Variants in STT3A observed in about 807,000 individuals in gnomAD.
STT3A encodes the protein dolichyl-diphosphooligosaccharide--protein glycosyltransferase subunit STT3A.
Under a neutral mutation model 89.2 loss-of-function variants are expected in STT3A, and 34 were observed. The ratio of observed to expected loss-of-function variants is 0.38; its 90% CI spans 0.29 to 0.51. STT3A has a LOEUF of 0.51. STT3A is among the 20% of genes least tolerant of loss of function. The pLI, the probability that STT3A is intolerant of heterozygous loss-of-function variation, is 0.89. For synonymous variants in STT3A, 282 were observed against 310.3 expected (o/e 0.91, Z 0.96); for missense variants, 555 against 889.5 (o/e 0.62, Z 4.78).
chr11:125,612,623 T>C lies in STT3A; in HGVS notation c.1241T>C (p.Met414Thr), dbSNP rs778063393. 1 of 1,614,102 alleles carries C rather than the reference T, an allele frequency of 6.2e-7. No individual in the cohort carries two copies. Among genetic ancestry groups the C allele is most frequent in the African/African-American group, 1.3e-5 (1 of 74,938 alleles). Residue 414 changes from methionine (M) to threonine (T), a missense_variant, in exon 12 of 18, where the codon ATG becomes ACG. Transcript: ENST00000392708. ...CTAATGCTAGTGTTGGCACCTGTTA[T>C]GTGCATTCTCTCTGGCATTGGAGTC... The part of the protein sequence containing the change: ...VRLMLVLAPV[M>T]CILSGIGVSQ...
chr11:125,611,710 C>CAA (rs1447659015), intron 11 of STT3A, among the ~76,000 whole-genome samples, 191 bp downstream of exon 11: 1 of 151,932 alleles, frequency 6.6e-6, no homozygotes, highest in Non-Finnish European at 1.5e-5. Context: ...TTGTGGGGTC[C>CAA]AACTTTCTTG....
At chr11:125,609,763 C>T in intron 10 of STT3A, 174 bp downstream of exon 10, 1 of 622,542 alleles carries the variant, frequency 1.6e-6, no homozygotes, top group Non-Finnish European at 2.6e-6. Context: ...GTCAGAAGTT[C>T]AACAGTTGTA....
At chr11:125,598,633 G>T (rs1283198271) in intron 3 of STT3A, among the ~76,000 whole-genome samples, 1 of 152,008 alleles carries the variant, frequency 6.6e-6, no homozygotes, top group African/African-American at 2.4e-5. Flanking sequence ...TTGAGATTGG[G>T]TCTGACTGTC....
chr11:125,594,279 C>A (rs1041319695), intron 1 of STT3A, among the ~76,000 whole-genome samples: 2 of 152,138 alleles, frequency 1.3e-5, no homozygotes, highest in Non-Finnish European at 2.9e-5. Flanking sequence ...CTCTTGATCA[C>A]CTTGTAATTT....
Position 125,614,193 on chromosome 11 carries a change from G to A in STT3A, c.1661G>A (p.Arg554Gln), listed in dbSNP as rs755340334. ...NNTWNNTHIS[R>Q]VGQAMASTEE... ...ACATGGAATAATACCCATATTTCTC[G>A]AGTAGGGCAGGTAAGATAAAGGGAT... The change falls in exon 14 of 18, where the codon CGA (arginine) becomes CAA (glutamine). Residue 554 changes from arginine (R) to glutamine (Q), a missense_variant. Around this residue, in one of 5 missense-constraint regions of STT3A, gnomAD observed 273 missense variants for 449.8 expected, o/e 0.61. Coordinates refer to ENST00000392708, the MANE Select transcript of STT3A (RefSeq NM_152713.5). The surrounding 1 kb of genome is among the most constrained non-coding windows in gnomAD (Gnocchi z 4.9). 1.2e-6 allele frequency: 2 copies of A among 1,614,076 alleles called. No individual in the cohort carries two copies. The highest frequency in any genetic ancestry group is 1.7e-6 in the Non-Finnish European group (2 of 1,179,974).
chr11:125,609,708 AGAGGACG>A, intron 10 of STT3A, 119 bp downstream of exon 10: 1 of 1,308,254 alleles, frequency 7.6e-7, no homozygotes. Context: ...TGTGTAATAC[AGAGGACG>A]GCTAAGCAAA....
In STT3A at chr11:125,606,336, C is replaced by T. The variant is rs1267924235; in HGVS notation, c.651C>T (p.Asn217=). 4 of 1,613,994 alleles carry T rather than the reference C, an allele frequency of 2.5e-6. No homozygotes were observed. Among genetic ancestry groups the T allele is most frequent in the Admixed American group, 1.7e-5 (1 of 59,988 alleles). ...SSWGGYVFLI[N]LIPLHVLVLM... ...GGGGAGGTTATGTGTTCCTGATCAACTTAATTCCTCTCCACGTCCTCGTGC... is the reference window on the plus strand; with the variant it reads ...GGGGAGGTTATGTGTTCCTGATCAATTTAATTCCTCTCCACGTCCTCGTGC... Residue 217 remains asparagine, a synonymous_variant, in exon 8 of 18, where the codon AAC becomes AAT. Coordinates refer to ENST00000392708, the MANE Select transcript of STT3A (RefSeq NM_152713.5).
At chr11:125,605,100 G>T (rs1352136168) in intron 6 of STT3A, among the ~76,000 whole-genome samples, 1 of 137,178 alleles carries the variant, frequency 7.3e-6, no homozygotes, top group African/African-American at 2.7e-5. Context: ...CCCTGTTTTT[G>T]TTGTTGTTGT....
At chr11:125,597,313 A>C (rs1365402930) in intron 3 of STT3A, among the ~76,000 whole-genome samples, 194 bp downstream of exon 3, 9 of 151,706 alleles carry the variant, frequency 5.9e-5, no homozygotes, top group Admixed American at 5.9e-4. Flanking sequence ...AGTCCAGCAC[A>C]GTGGCTCACA....
In STT3A at chr11:125,596,021, CCTCT is replaced by C; in HGVS notation, c.88+21_88+24del. ...TGTATTATGTGAGTGTGCATGTGAA[CCTCT>C]CTTTCTTTGGGGATAGAAAGAAGAA... On this transcript the variant is annotated intron_variant, in intron 2 of 17. Coordinates refer to ENST00000392708, the MANE Select transcript of STT3A (RefSeq NM_152713.5). 1 of 1,567,114 alleles carries C rather than the reference CCTCT, an allele frequency of 6.4e-7. No individual in the cohort carries two copies. The highest frequency in any genetic ancestry group is 8.7e-7 in the Non-Finnish European group (1 of 1,147,226).
chr11:125,597,350 T>C (rs1447690548), intron 3 of STT3A, among the ~76,000 whole-genome samples: 1 of 149,460 alleles, frequency 6.7e-6, no homozygotes, highest in Admixed American at 6.7e-5. Flanking sequence ...TTTGGGAGGC[T>C]GAGGTGGAGG....
intron 15 of STT3A, 78 bp from the exon 16 acceptor site, chr11:125,618,295 A>G: frequency 1.5e-6 from 2 of 1,369,698 alleles, no homozygotes; most frequent in South Asian, 3.1e-5. Context: ...ATGTTGAGGA[A>G]TTTTCTTAGA....
In STT3A at chr11:125,614,331, C is replaced by T. The variant is rs756427817; in HGVS notation, c.1679C>T (p.Ala560Val). The change falls in exon 15 of 18, where the codon GCG becomes GTG. Residue 560 changes from alanine (A) to valine (V), a missense_variant. Physicochemically the swap from Ala to Val is moderately conservative, Grantham distance 64. Coordinates refer to ENST00000392708, the MANE Select transcript of STT3A (RefSeq NM_152713.5). This position sits in a 1 kb window ranked among gnomAD's most constrained non-coding sequence, Gnocchi z 4.9. ...GTACATTTGTTTTTCCAGGCAATGGCGTCCACAGAGGAAAAAGCCTATGAG... is the reference window on the plus strand; with the variant it reads ...GTACATTTGTTTTTCCAGGCAATGGTGTCCACAGAGGAAAAAGCCTATGAG... ...THISRVGQAM[A>V]STEEKAYEIM... is the part of the protein sequence containing the mutation. 5 of 1,614,078 alleles carry T rather than the reference C, an allele frequency of 3.1e-6. No individual in the cohort carries two copies. Among genetic ancestry groups the T allele is most frequent in the Non-Finnish European group, 4.2e-6 (5 of 1,180,016 alleles).
At chr11:125,608,744 GC>G (rs1171112215) in intron 9 of STT3A, among the ~76,000 whole-genome samples, 4 of 152,182 alleles carry the variant, frequency 2.6e-5, no homozygotes, top group African/African-American at 9.7e-5. Context: ...TTCATCGGAA[GC>G]ATGTACAATC....
intron 8 of STT3A, among the ~76,000 whole-genome samples, chr11:125,607,906 A>G (rs1939883966): frequency 6.6e-6 from 1 of 152,208 alleles, no homozygotes; most frequent in African/African-American, 2.4e-5. Context: ...ATGATAGTGT[A>G]TCTTATGCTT....
chr11:125,620,666 C>A, intron 17 of STT3A, 106 bp from the exon 18 acceptor site: 1 of 1,040,230 alleles, frequency 9.6e-7, no homozygotes, highest in Admixed American at 1.9e-5. Flanking sequence ...AACCAGGCTG[C>A]AGAACCCAAC....
At chr11:125,609,241 G>A (rs745905789) in intron 9 of STT3A, among the ~76,000 whole-genome samples, 193 bp from the exon 10 acceptor site, 2 of 152,182 alleles carry the variant, frequency 1.3e-5, no homozygotes, top group African/African-American at 4.8e-5. Context: ...TCTGCTGGCA[G>A]TGCTGACAAA....
intron 3 of STT3A, among the ~76,000 whole-genome samples, chr11:125,598,330 A>G (rs1403242184): frequency 6.6e-6 from 1 of 152,242 alleles, no homozygotes; most frequent in Non-Finnish European, 1.5e-5. Flanking sequence ...CTGACTCCAG[A>G]GACTGTAGTC....
chr11:125,615,703 A>T (rs1234907611), intron 15 of STT3A, among the ~76,000 whole-genome samples: 4 of 152,086 alleles, frequency 2.6e-5, no homozygotes, highest in African/African-American at 9.7e-5. Context: ...GTGGGAGGGG[A>T]TATATAAGTT....
Sources: gnomAD v4.1 joint callset for allele counts (sites outside exome capture counted in the v4.1 genomes callset) on GRCh38, gnomAD v4.1.1 for gene constraint, gnomAD v4.1.1 regional missense constraint, Gnocchi (gnomAD v3.1) non-coding constraint, MANE v1.5 for transcripts, NCBI Gene and HGNC (gene_info 2026-07-23, HGNC 2026-07-21) for gene names.